The following SHOC1 variants were observed in gnomAD, a reference collection of about 807,000 sequenced individuals.
SHOC1 encodes the protein protein shortage in chiasmata 1 ortholog.
In SHOC1, 136 loss-of-function variants were observed where a neutral mutation model predicts 179.2. The ratio of observed to expected loss-of-function variants is 0.76; its 90% CI spans 0.66 to 0.87. SHOC1 has a LOEUF of 0.87. Among genes scored for constraint, SHOC1 ranks in the 40% least tolerant of loss-of-function variants. The pLI is 0.00. For missense variants in SHOC1, 1,538 were observed against 1,700.8 expected (o/e 0.90, Z 1.68); for synonymous variants, 489 against 586.6 (o/e 0.83, Z 2.41).
At chr9:111,713,011 T>A in intron 18 of SHOC1, 89 bp downstream of exon 18, 1 of 799,054 alleles carries the variant, frequency 1.3e-6, no homozygotes, top group Non-Finnish European at 2.0e-6. Context: ...ATGTTAATTA[T>A]GTCTTAATTT....
At position 111,769,975 on chromosome 9, in the gene SHOC1, G is replaced by GTTTTTTTTTTTTTTTTTTTTTTT; in HGVS notation, c.442+5815_442+5816insAAAAAAAAAAAAAAAAAAAAAAA. ...AATCTAGCGAAAGGTTTTATCTTCTGTTTTTTTTTTGTTTTTTTTTTTTTT... is the reference window on the plus strand; with the variant it reads ...AATCTAGCGAAAGGTTTTATCTTCTGTTTTTTTTTTTTTTTTTTTTTTTTTTTTTTTTTGTTTTTTTTTTTTTT... On this transcript the variant is annotated intron_variant, in intron 5 of 27. Coordinates refer to ENST00000682961, the MANE Select transcript of SHOC1 (RefSeq NM_001378211.1). Among the ~76,000 whole-genome samples the GTTTTTTTTTTTTTTTTTTTTTTT allele has an allele frequency of 4.7e-4, 41 of 87,800 alleles. 4 individuals are homozygous for GTTTTTTTTTTTTTTTTTTTTTTT. Among genetic ancestry groups the GTTTTTTTTTTTTTTTTTTTTTTT allele is most frequent in the South Asian group, 7.9e-4 (2 of 2,546 alleles). 57.6% of individuals were successfully genotyped at this position (87,800 alleles called of 152,430 possible).
chr9:111,759,104 A>T, intron 5 of SHOC1: 1 of 1,536,642 alleles, frequency 6.5e-7, no homozygotes, highest in South Asian at 1.2e-5. Flanking sequence ...GTAACGGCTA[A>T]TACTTTATCA....
intron 12 of SHOC1, among the ~76,000 whole-genome samples, chr9:111,736,366 T>C (rs1833812213): frequency 6.6e-6 from 1 of 152,024 alleles, no homozygotes; most frequent in Admixed American, 6.6e-5. Flanking sequence ...CAAAAAGAGA[T>C]ACAAGGACTA....
intron 12 of SHOC1, among the ~76,000 whole-genome samples, chr9:111,731,336 T>C (rs1358024331): frequency 1.3e-5 from 2 of 152,224 alleles, no homozygotes; most frequent in African/African-American, 2.4e-5. Context: ...GTTCTCAACA[T>C]ACCATTCTCA....
chr9:111,718,831 G>T (rs1832914877), intron 15 of SHOC1, among the ~76,000 whole-genome samples: 1 of 152,128 alleles, frequency 6.6e-6, no homozygotes, highest in South Asian at 2.1e-4. Flanking sequence ...GCCTAATTGT[G>T]TTCCATTTAG....
intron 13 of SHOC1, among the ~76,000 whole-genome samples, chr9:111,724,458 G>A (rs1262228577): frequency 6.6e-6 from 1 of 151,804 alleles, no homozygotes; most frequent in Non-Finnish European, 1.5e-5. Context: ...TCCCACCTCA[G>A]CCTCCCAAGT....
intron 4 of SHOC1, among the ~76,000 whole-genome samples, chr9:111,778,704 G>T (rs1835921485): frequency 6.8e-6 from 1 of 146,460 alleles, no homozygotes; most frequent in Non-Finnish European, 1.5e-5. Context: ...CTGGGAGGTA[G>T]AGGTTGCAGT....
intron 24 of SHOC1, 74 bp downstream of exon 24, chr9:111,699,880 A>G (rs945954773): frequency 1.4e-5 from 12 of 835,312 alleles, no homozygotes; most frequent in East Asian, 2.5e-5. Flanking sequence ...CTTTTTTCTC[A>G]TTGGGCACTT....
At chr9:111,715,393 C>A (rs1267645952) in intron 16 of SHOC1, among the ~76,000 whole-genome samples, 1 of 152,104 alleles carries the variant, frequency 6.6e-6, no homozygotes, top group Non-Finnish European at 1.5e-5. Context: ...TGTATGTGTG[C>A]ATATTAATTC....
rs1832694882 is a variant in SHOC1 at position 111,714,444 on chromosome 9, C to T, written c.2415+1G>A. The T allele has an allele frequency of 1.9e-6, 3 of 1,613,148 alleles. No homozygotes were observed. The highest frequency in any genetic ancestry group is 4.5e-5 in the East Asian group (2 of 44,818). On this transcript the variant is annotated splice_donor_variant, in intron 17 of 27. Coordinates refer to ENST00000682961, the MANE Select transcript of SHOC1 (RefSeq NM_001378211.1). LOFTEE classifies it high-confidence loss of function. ...TTACCGGCTTTATTCCAATACTTAA[C>T]CTTAATTTGCTGTTGACTTTGCATC...
intron 24 of SHOC1, among the ~76,000 whole-genome samples, chr9:111,699,482 G>T (rs893332468): frequency 6.6e-6 from 1 of 152,126 alleles, no homozygotes; most frequent in East Asian, 1.9e-4. Context: ...ATAAAGAAAA[G>T]AATGTAATGT....
chr9:111,779,162 G>A (rs1055407597), intron 4 of SHOC1, among the ~76,000 whole-genome samples: 9 of 149,726 alleles, frequency 6.0e-5, no homozygotes, highest in African/African-American at 2.0e-4. Flanking sequence ...GTGACAACAC[G>A]GATAAACCCT....
At chr9:111,792,416 A>G (rs895087884) in intron 1 of SHOC1, among the ~76,000 whole-genome samples, 4 of 152,152 alleles carry the variant, frequency 2.6e-5, no homozygotes, top group Non-Finnish European at 5.9e-5. Flanking sequence ...AAATACAAAA[A>G]TACAAAATTT....
intron 5 of SHOC1, among the ~76,000 whole-genome samples, chr9:111,759,770 T>G (rs1835057024): frequency 2.6e-5 from 4 of 151,996 alleles, no homozygotes; most frequent in African/African-American, 9.6e-5. Flanking sequence ...TAGTACGGAG[T>G]TTTCAGGTAG....
At chr9:111,693,289 G>A (rs1254846295) in intron 26 of SHOC1, among the ~76,000 whole-genome samples, 1 of 147,484 alleles carries the variant, frequency 6.8e-6, no homozygotes, top group African/African-American at 2.5e-5. Flanking sequence ...CTGGGTGACA[G>A]AGGGAGACTC....
chr9:111,780,209 T>C (rs916658231), intron 4 of SHOC1, among the ~76,000 whole-genome samples: 2 of 152,254 alleles, frequency 1.3e-5, no homozygotes, highest in Non-Finnish European at 2.9e-5. Context: ...AATGTTTTTT[T>C]GTTTCTTTTA....
intron 11 of SHOC1, among the ~76,000 whole-genome samples, chr9:111,740,835 G>A (rs1834001234): frequency 6.6e-6 from 1 of 152,202 alleles, no homozygotes; most frequent in South Asian, 2.1e-4. Flanking sequence ...GCCTCCCAAA[G>A]TGCTGGGATT....
chr9:111,767,113 T>C (rs149883981), intron 5 of SHOC1, among the ~76,000 whole-genome samples: 1 of 152,182 alleles, frequency 6.6e-6, no homozygotes, highest in Non-Finnish European at 1.5e-5. Flanking sequence ...ATGGATAGTT[T>C]GCAAATATTT....
Position 111,691,783 on chromosome 9 carries a change from T to C in SHOC1, c.4194A>G (p.Gln1398=). Reference sequence around the variant, plus strand: ...CTTCAGACTCATCTGATAGACATTTTTGCTGATCAGTGAATAAATTACCTT... The same window carrying C: ...CTTCAGACTCATCTGATAGACATTTCTGCTGATCAGTGAATAAATTACCTT... ...SQKGNLFTDQ[Q]KCLSDESEGL... Residue 1398 remains glutamine (Q), a synonymous_variant, in exon 27 of 28, where the codon CAA becomes CAG. Coordinates refer to ENST00000682961, the MANE Select transcript of SHOC1 (RefSeq NM_001378211.1). 1 of 1,613,994 alleles carries C rather than the reference T, an allele frequency of 6.2e-7. No individual in the cohort carries two copies. Among genetic ancestry groups the C allele is most frequent in the Non-Finnish European group, 8.5e-7 (1 of 1,179,982 alleles).
Sources: gnomAD v4.1 joint callset for allele counts (sites outside exome capture counted in the v4.1 genomes callset) on GRCh38, gnomAD v4.1.1 for gene constraint, MANE v1.5 for transcripts, NCBI Gene and HGNC (gene_info 2026-07-23, HGNC 2026-07-21) for gene names.